The following LNPK variants were observed in gnomAD, a reference collection of about 807,000 sequenced individuals.
The protein encoded by LNPK is endoplasmic reticulum junction formation protein lunapark.
In LNPK, 29 loss-of-function variants were observed where a neutral mutation model predicts 55.2. That is an observed-to-expected ratio of 0.53 (90% CI 0.39 to 0.72). LNPK has a LOEUF of 0.72. Among genes scored for constraint, LNPK ranks in the 30% least tolerant of loss-of-function variants. LNPK has a pLI of 0.00. For missense variants in LNPK, 467 were observed against 494.8 expected (o/e 0.94, Z 0.53); for synonymous variants, 162 against 168.2 (o/e 0.96, Z 0.29).
At chr2:175,961,379 G>A (rs1686021611) in intron 8 of LNPK, among the ~76,000 whole-genome samples, 2 of 152,294 alleles carry the variant, frequency 1.3e-5, no homozygotes, top group African/African-American at 4.8e-5. Flanking sequence ...TCATCCCTGG[G>A]ATGCAAGGCT....
chr2:175,951,678 T>C (rs192389639), intron 8 of LNPK, among the ~76,000 whole-genome samples: 83 of 150,466 alleles, frequency 5.5e-4, no homozygotes, highest in African/African-American at 1.9e-3. Context: ...TGATTGCGAA[T>C]TGTGCTGCTA....
chr2:175,933,519 A>C (rs1219131065), intron 12 of LNPK, among the ~76,000 whole-genome samples: 1 of 152,184 alleles, frequency 6.6e-6, no homozygotes, highest in African/African-American at 2.4e-5. Flanking sequence ...GTTTTAAACA[A>C]GGCACTTTTT....
In LNPK at chr2:175,968,626, T is replaced by A. The variant is rs571611413; in HGVS notation, c.357+2138A>T. 8.6e-5 allele frequency among the ~76,000 whole-genome samples: 13 copies of A among 151,324 alleles called. No individual in the cohort carries two copies. The East Asian group carries it at 2.3e-3, about 27-fold the overall frequency. ...AACTAAAGATTACTTCCTAACTTTATAATAATAATACTTACATTAAGCTCT... is the reference window on the plus strand; with the variant it reads ...AACTAAAGATTACTTCCTAACTTTAAAATAATAATACTTACATTAAGCTCT... On this transcript the variant is annotated intron_variant, in intron 6 of 12. Transcript: ENST00000272748.
At chr2:176,002,275 G>C (rs975743764), upstream of LNPK, 2 of 445,720 alleles carry the variant, frequency 4.5e-6, no homozygotes, top group Non-Finnish European at 9.0e-6. Context: ...GACAAGCCGG[G>C]CCAACTCCTT....
Position 175,929,377 on chromosome 2 carries a change from C to T in LNPK, c.*590G>A. ...ATTGCATTCTCACTGAGAATTCGTA[C>T]CAGTGCCAACGTAGTTACAGTTCTA... On this transcript the variant is annotated 3_prime_UTR_variant, in exon 13 of 13. Transcript: ENST00000272748. 1 of 985,378 alleles carries T rather than the reference C, an allele frequency of 1.0e-6. No homozygotes were observed. The allele number at this position is 985,378 out of a possible 1,614,324, so 61.0% of individuals were successfully genotyped here. A position where few individuals can be genotyped will look rare whatever the true frequency, so the allele number is the denominator to read the frequency against.
intron 5 of LNPK, among the ~76,000 whole-genome samples, chr2:175,975,043 C>T (rs1307061809): frequency 9.0e-5 from 13 of 143,976 alleles, no homozygotes; most frequent in African/African-American, 2.6e-4. Context: ...CTTGCTATTC[C>T]TTGGAGTCAG....
At chr2:175,993,074 C>T in intron 3 of LNPK, 108 bp downstream of exon 3, 2 of 663,692 alleles carry the variant, frequency 3.0e-6, no homozygotes, top group Non-Finnish European at 5.0e-6. Flanking sequence ...CACTCTATAT[C>T]ATTTCTAAAT....
chr2:175,936,538 T>C (rs147587140), intron 12 of LNPK, among the ~76,000 whole-genome samples: 155 of 152,286 alleles, frequency 1.0e-3, no homozygotes, highest in African/African-American at 3.3e-3. Context: ...ATATCACACA[T>C]AGCAACAAAA....
intron 8 of LNPK, among the ~76,000 whole-genome samples, 183 bp downstream of exon 8, chr2:175,964,189 C>A (rs537706242): frequency 4.6e-5 from 7 of 152,098 alleles, no homozygotes; most frequent in Non-Finnish European, 7.4e-5. Flanking sequence ...AACATATTCC[C>A]ATAAAATCAA....
chr2:175,986,495 G>A (rs1016713340), intron 4 of LNPK, among the ~76,000 whole-genome samples: 1 of 152,000 alleles, frequency 6.6e-6, no homozygotes, highest in African/African-American at 2.4e-5. Context: ...TAAAGCAGTG[G>A]TCAGAAAATG....
intron 1 of LNPK, among the ~76,000 whole-genome samples, chr2:175,996,036 C>G (rs186259614): frequency 2.0e-5 from 3 of 152,094 alleles, no homozygotes; most frequent in Admixed American, 2.0e-4. Flanking sequence ...TGGTCTTGAA[C>G]TCCTGGCCTC....
chr2:175,979,556 C>A (rs1271469962), intron 5 of LNPK, among the ~76,000 whole-genome samples: 1 of 151,130 alleles, frequency 6.6e-6, no homozygotes, highest in Non-Finnish European at 1.5e-5. Flanking sequence ...TTCCTATGCC[C>A]CTGACTCTGT....
Position 175,979,871 on chromosome 2 carries a change from A to G in LNPK, c.258-3T>C. 1.3e-6 allele frequency: 2 copies of G among 1,571,524 alleles called. No individual in the cohort carries two copies. The highest frequency in any genetic ancestry group is 1.7e-6 in the Non-Finnish European group (2 of 1,162,380). ...TTACTGTTCTTATGCTCCAGATGCT[A>G]AAAGGGAAGCAAAATTCAGAAACAA... On this transcript the variant is annotated splice_polypyrimidine_tract_variant and splice_region_variant and intron_variant, in intron 4 of 12. Transcript: ENST00000272748.
chr2:176,002,199 C>G lies in LNPK; in HGVS notation c.-102G>C, dbSNP rs769067437. 2 of 450,070 alleles carry G rather than the reference C, an allele frequency of 4.4e-6. No homozygotes were observed. Among genetic ancestry groups the G allele is most frequent in the Admixed American group, 4.7e-5 (2 of 42,172 alleles). 27.9% of individuals were successfully genotyped at this position (450,070 alleles called of 1,614,324 possible). A position where few individuals can be genotyped will look rare whatever the true frequency, so the allele number is the denominator to read the frequency against. On this transcript the variant is annotated 5_prime_UTR_variant, in exon 1 of 13. Transcript: ENST00000272748. ...CGCAGCCCGGCCCGGGCGTCCACCCCCGCCAGTCTCGGCCGCCACCGCCCA... is the reference window on the plus strand; with the variant it reads ...CGCAGCCCGGCCCGGGCGTCCACCCGCGCCAGTCTCGGCCGCCACCGCCCA...
intron 1 of LNPK, among the ~76,000 whole-genome samples, chr2:175,995,945 T>C (rs1687913055): frequency 6.6e-6 from 1 of 150,914 alleles, no homozygotes; most frequent in African/African-American, 2.4e-5. Context: ...CCTGAGTAGC[T>C]GGGACTACAG....
intron 4 of LNPK, among the ~76,000 whole-genome samples, chr2:175,991,048 C>A (rs1022593206): frequency 6.6e-6 from 1 of 152,142 alleles, no homozygotes; most frequent in East Asian, 1.9e-4. Context: ...TAATAGCAAA[C>A]CTAGATCATA....
intron 12 of LNPK, 118 bp from the exon 13 acceptor site, chr2:175,930,317 CAA>C (rs1491514148): frequency 7.2e-4 from 430 of 595,422 alleles, no homozygotes; most frequent in Middle Eastern, 1.3e-3. Context: ...CACACACACA[CAA>C]AGAAACCATA....
chr2:175,946,521 GA>G (rs1245310081), intron 9 of LNPK, among the ~76,000 whole-genome samples: 1 of 152,004 alleles, frequency 6.6e-6, no homozygotes, highest in African/African-American at 2.4e-5. Flanking sequence ...GTTAATAAAT[GA>G]AGAGTTTTTT....
At chr2:175,960,584 C>G (rs1435250848) in intron 8 of LNPK, among the ~76,000 whole-genome samples, 2 of 152,110 alleles carry the variant, frequency 1.3e-5, no homozygotes, top group Non-Finnish European at 2.9e-5. Context: ...ATTTATAGCA[C>G]TAAATGCCCA....
Sources: gnomAD v4.1 joint callset for allele counts (sites outside exome capture counted in the v4.1 genomes callset) on GRCh38, gnomAD v4.1.1 for gene constraint, MANE v1.5 for transcripts, NCBI Gene and HGNC (gene_info 2026-07-23, HGNC 2026-07-21) for gene names.